Variants in NOM1 observed in about 807,000 individuals in gnomAD.
NOM1 encodes the protein nucleolar MIF4G domain-containing protein 1.
A neutral mutation model predicts 73.3 loss-of-function variants in NOM1; 58 were observed. The ratio of observed to expected loss-of-function variants is 0.79; its 90% CI spans 0.64 to 0.99. NOM1 has a LOEUF of 0.99. Ranked by LOEUF, NOM1 falls within the 50% of genes least tolerant of loss-of-function variation. The pLI is 0.00. For synonymous variants in NOM1, 487 were observed against 446.8 expected, an observed-to-expected ratio of 1.09 and a Z score of -1.14; for missense variants, 1,226 against 1,131.9, an observed-to-expected ratio of 1.08 and a Z score of -1.19.
At chr7:156,962,400 G>A (rs929367969) in intron 5 of NOM1, 139 bp downstream of exon 5, 18 of 693,000 alleles carry the variant, frequency 2.6e-5, no homozygotes, top group East Asian at 5.4e-5. Flanking sequence ...CAGAGTGAAC[G>A]CGGCTCGGTT....
Position 156,963,190 on chromosome 7 carries a change from G to A in NOM1, c.1911+15G>A, listed in dbSNP as rs1490738043. 5 of 1,613,698 alleles carry A rather than the reference G, an allele frequency of 3.1e-6. No homozygotes were observed. The highest frequency in any genetic ancestry group is 2.2e-5 in the East Asian group (1 of 44,890). ...TTGTGGGGACGGTAGGGACACCCAT[G>A]CTCAAGGCTGCCAGGCAGAGGCACC... is the stretch of plus-strand genomic sequence containing the variant. On this transcript the variant is annotated intron_variant, in intron 6 of 10. Transcript: ENST00000275820.
intron 5 of NOM1, among the ~76,000 whole-genome samples, chr7:156,962,542 C>T (rs929409971): frequency 3.3e-5 from 5 of 152,186 alleles, no homozygotes; most frequent in African/African-American, 1.2e-4. Context: ...TTGGATCATC[C>T]GATGCTTTCA....
At chr7:156,959,779 A>C in intron 3 of NOM1, 72 bp from the exon 4 acceptor site, 1 of 1,407,762 alleles carries the variant, frequency 7.1e-7, no homozygotes, top group Non-Finnish European at 9.9e-7. Flanking sequence ...AGAAAGTGCC[A>C]GTTCTGTGTG....
Position 156,966,384 on chromosome 7 carries a change from A to G in NOM1, c.2148A>G (p.Glu716=). ...CTTTCCTGGCTAGCAAATTCTGTGA[A>G]TATGAAAGGAGATTTCAGGTAGCTT... ...FYAFLASKFC[E]YERRFQMTFQ... is the part of the protein sequence containing the mutation. The change falls in exon 8 of 11, where the codon GAA becomes GAG. Residue 716 remains glutamate, a synonymous_variant. Transcript: ENST00000275820. 2 of 1,614,208 alleles carry G rather than the reference A, an allele frequency of 1.2e-6. No individual in the cohort carries two copies. Among genetic ancestry groups the G allele is most frequent in the Non-Finnish European group, 1.7e-6 (2 of 1,180,038 alleles).
rs895501332 is a variant in NOM1 at position 156,949,961 on chromosome 7, G to T, written c.224G>T (p.Arg75Leu). 5 of 1,541,148 alleles carry T rather than the reference G, an allele frequency of 3.2e-6. No individual in the cohort carries two copies. The highest frequency in any genetic ancestry group is 2.6e-6 in the Non-Finnish European group (3 of 1,146,598). The part of the protein sequence containing the change: ...CEGRGAPVSF[R>L]PGGRKSRKEL... ...GGGCGCGGCGCCCCGGTGAGCTTTC[G>T]CCCGGGAGGGAGAAAAAGCCGTAAG... Residue 75 changes from arginine to leucine, a missense_variant, in exon 1 of 11, where the codon CGC (arginine) becomes CTC (leucine). By Grantham distance (102) the Arg-to-Leu change is moderately radical. Transcript: ENST00000275820.
At chr7:156,959,106 C>T (rs892710595) in intron 3 of NOM1, among the ~76,000 whole-genome samples, 11 of 147,118 alleles carry the variant, frequency 7.5e-5, no homozygotes, top group Admixed American at 2.7e-4. Context: ...GGTAGTGGAA[C>T]TTTTTTTTTT....
At position 156,950,628 on chromosome 7, in the gene NOM1, G is replaced by A; in HGVS notation, c.891G>A (p.Lys297=). The part of the protein sequence containing the change: ...TEEEQGEEKE[K]GAQEKRRGKR... ...AGGAACAGGGGGAAGAAAAGGAAAA[G>A]GGAGCGCAGGAGAAAAGGAGGGGGA... The change falls in exon 1 of 11, where the codon AAG becomes AAA. Residue 297 remains lysine, a synonymous_variant. Coordinates refer to ENST00000275820, the MANE Select transcript of NOM1 (RefSeq NM_138400.2). 2 of 1,558,788 alleles carry A rather than the reference G, an allele frequency of 1.3e-6. No individual in the cohort carries two copies. Among genetic ancestry groups the A allele is most frequent in the Non-Finnish European group, 1.7e-6 (2 of 1,150,704 alleles).
chr7:156,955,841 T>G (rs1206116987), intron 3 of NOM1, among the ~76,000 whole-genome samples: 1 of 152,234 alleles, frequency 6.6e-6, no homozygotes, highest in Admixed American at 6.5e-5. Flanking sequence ...AATTATAATC[T>G]TAACAGTTAT....
rs753543358 is a variant in NOM1, at chr7:156,950,398, G to C, written c.661G>C (p.Gly221Arg). ...ACGCGACGGTCTTGACTATATTCTG[G>C]GAGCCCTGGAGTCTGGGAAAAATAG... ...FARDGLDYIL[G>R]ALESGKNSGL... is the part of the protein sequence containing the mutation. Residue 221 changes from glycine (G) to arginine (R), a missense_variant, in exon 1 of 11, where the codon GGA (glycine) becomes CGA (arginine). Coordinates refer to ENST00000275820, the MANE Select transcript of NOM1 (RefSeq NM_138400.2). 21 of 1,614,114 alleles carry C rather than the reference G, an allele frequency of 1.3e-5. No homozygotes were observed. The highest frequency in any genetic ancestry group is 1.8e-5 in the Non-Finnish European group (21 of 1,180,046).
At chr7:156,954,012 T>C in intron 2 of NOM1, 91 bp from the exon 3 acceptor site, 1 of 1,009,656 alleles carries the variant, frequency 9.9e-7, no homozygotes, top group Non-Finnish European at 1.5e-6. Flanking sequence ...GAATATATTG[T>C]TGGTATGGAT....
intron 6 of NOM1, chr7:156,963,660 C>T (rs767389002): frequency 1.0e-4 from 42 of 418,862 alleles, no homozygotes; most frequent in Non-Finnish European, 1.5e-4. Context: ...TATTCATCGT[C>T]GCTTGCCCTG....
rs912897288 is a variant in NOM1, at chr7:156,950,705, A to G, written c.968A>G (p.Asp323Gly). Residue 323 changes from aspartate (D) to glycine (G), a missense_variant, in exon 1 of 11, where the codon GAC (aspartate) becomes GGC (glycine). Transcript: ENST00000275820. ...DEEKSENSSE[D>G]GDITDKSLCG... ...GAAAAGAGTGAAAATTCCTCGGAGGACGGTGACATAACGGATAAGGTATCG... is the reference window on the plus strand; with the variant it reads ...GAAAAGAGTGAAAATTCCTCGGAGGGCGGTGACATAACGGATAAGGTATCG... 2 of 1,551,346 alleles carry G rather than the reference A, an allele frequency of 1.3e-6. No homozygotes were observed. Among genetic ancestry groups the G allele is most frequent in the African/African-American group, 1.4e-5 (1 of 72,954 alleles).
intron 9 of NOM1, among the ~76,000 whole-genome samples, chr7:156,967,606 C>T (rs914720797): frequency 6.6e-6 from 1 of 152,176 alleles, no homozygotes; most frequent in African/African-American, 2.4e-5. Context: ...ATCTCTGCAA[C>T]CTCTGCCTCC....
At chr7:156,960,587 C>T (rs187733158) in intron 4 of NOM1, among the ~76,000 whole-genome samples, 205 of 152,116 alleles carry the variant, frequency 1.3e-3, no homozygotes, top group Non-Finnish European at 2.2e-3. Flanking sequence ...TGTGGAACCG[C>T]GTGTTCCTGG....
chr7:156,954,918 A>C (rs1804685272), intron 3 of NOM1, among the ~76,000 whole-genome samples: 1 of 152,114 alleles, frequency 6.6e-6, no homozygotes, highest in African/African-American at 2.4e-5. Flanking sequence ...GATTTATTTC[A>C]GATGTTTGGA....
At chr7:156,969,468 G>A in intron 10 of NOM1, 61 bp from the exon 11 acceptor site, 1 of 1,430,634 alleles carries the variant, frequency 7.0e-7, no homozygotes, top group Non-Finnish European at 9.6e-7. Flanking sequence ...GAGATACCCA[G>A]GATTGAGATC....
intron 1 of NOM1, among the ~76,000 whole-genome samples, chr7:156,951,676 C>A (rs1804595660): frequency 6.6e-6 from 1 of 152,076 alleles, no homozygotes; most frequent in African/African-American, 2.4e-5. Context: ...CCACCACCCC[C>A]CTTGATAATT....
At chr7:156,951,427 A>G (rs1804590402) in intron 1 of NOM1, among the ~76,000 whole-genome samples, 1 of 152,168 alleles carries the variant, frequency 6.6e-6, no homozygotes, top group Non-Finnish European at 1.5e-5. Context: ...GTAGCAATCA[A>G]GGCATTCATG....
chr7:156,952,673 C>T, intron 2 of NOM1, 75 bp downstream of exon 2: 1 of 1,497,252 alleles, frequency 6.7e-7, no homozygotes, highest in Non-Finnish European at 9.1e-7. Context: ...ATTATCCCAG[C>T]AATTCAAATA....
Sources: gnomAD v4.1 joint callset for allele counts (sites outside exome capture counted in the v4.1 genomes callset) on GRCh38, gnomAD v4.1.1 for gene constraint, MANE v1.5 for transcripts, NCBI Gene and HGNC (gene_info 2026-07-23, HGNC 2026-07-21) for gene names.